The following DOCK8 variants were observed in gnomAD, a reference collection of about 807,000 sequenced individuals.
DOCK8 encodes the protein dedicator of cytokinesis protein 8.
DOCK8 carries 141 observed loss-of-function variants against 245.6 expected under a neutral mutation model. The ratio of observed to expected loss-of-function variants is 0.57; its 90% CI spans 0.50 to 0.66. The LOEUF is 0.66. Ranked by LOEUF, DOCK8 falls within the 30% of genes least tolerant of loss-of-function variation. The probability of loss-of-function intolerance (pLI) is 0.00; values close to 1 mark genes in which losing one functional copy is unlikely to be tolerated. For synonymous variants in DOCK8, 1,168 were observed against 970.2 expected (o/e 1.20, Z -3.79); for missense variants, 2,965 against 2,603.4 (o/e 1.14, Z -3.02).
At chr9:325,971 A>C (rs1586704335) in intron 8 of DOCK8, among the ~76,000 whole-genome samples, 1 of 152,226 alleles carries the variant, frequency 6.6e-6, no homozygotes, top group African/African-American at 2.4e-5. Flanking sequence ...GCCTGGTTGG[A>C]ATAGAGAAAG....
intron 36 of DOCK8, among the ~76,000 whole-genome samples, chr9:430,890 G>T (rs10758579): frequency 0.58 from 87,752 of 151,826 alleles, 27,571 homozygotes; most frequent in East Asian, 0.98. Flanking sequence ...TATTTATTGA[G>T]ACAGTGTCTT....
intron 1 of DOCK8, among the ~76,000 whole-genome samples, chr9:236,768 A>G (rs578244347): frequency 9.2e-5 from 14 of 152,314 alleles, no homozygotes; most frequent in African/African-American, 3.4e-4. Flanking sequence ...TTCTCCTCCA[A>G]GCAGTGACTC....
chr9:316,514 A>G (rs1288646239), intron 6 of DOCK8, among the ~76,000 whole-genome samples: 3 of 152,180 alleles, frequency 2.0e-5, no homozygotes, highest in Non-Finnish European at 2.9e-5. Flanking sequence ...GAACTTGTCA[A>G]TTCAACCCCA....
intron 22 of DOCK8, among the ~76,000 whole-genome samples, chr9:385,449 T>A (rs2053912604): frequency 6.6e-6 from 1 of 152,240 alleles, no homozygotes. Context: ...AATTAAAAGT[T>A]CACTTTAAAA....
chr9:418,110 A>G lies in DOCK8; in HGVS notation c.3743A>G (p.Glu1248Gly). ...TACCGCACCAGTGGCTCGGATGAAGAACAAGAAGGAGCCGGTGCCATTAAC... is the reference window on the plus strand; with the variant it reads ...TACCGCACCAGTGGCTCGGATGAAGGACAAGAAGGAGCCGGTGCCATTAAC... Reference protein sequence around the residue: ...RRYRTSGSDEEQEGAGAINQN... With the variant: ...RRYRTSGSDEGQEGAGAINQN... Residue 1248 changes from glutamate to glycine, a missense_variant, in exon 30 of 48, where the codon GAA becomes GGA. By Grantham distance (98) the Glu-to-Gly change is moderately conservative (BLOSUM62 -2). Around this residue, in one of 3 missense-constraint regions of DOCK8, gnomAD observed 2,825 missense variants for 2,453.5 expected, o/e 1.15. Transcript: ENST00000432829. 6.2e-7 allele frequency: 1 copy of G among 1,614,240 alleles called. No homozygotes were observed. The highest frequency in any genetic ancestry group is 8.5e-7 in the Non-Finnish European group (1 of 1,180,038).
At chr9:432,380 GTGTA>G in intron 37 of DOCK8, 56 bp downstream of exon 37, 4 of 1,530,596 alleles carry the variant, frequency 2.6e-6, no homozygotes, top group Non-Finnish European at 3.6e-6. Context: ...GCCAACTATT[GTGTA>G]TGTATGTATG....
intron 28 of DOCK8, among the ~76,000 whole-genome samples, chr9:414,040 G>C (rs1415389625): frequency 1.3e-5 from 2 of 151,950 alleles, no homozygotes; most frequent in Non-Finnish European, 2.9e-5. Flanking sequence ...TACTTGGGAG[G>C]CTGAGTCAGA....
chr9:410,134 T>C (rs1029664312), intron 28 of DOCK8, among the ~76,000 whole-genome samples: 2 of 152,264 alleles, frequency 1.3e-5, no homozygotes, highest in Admixed American at 1.3e-4. Context: ...TACTTTTTAT[T>C]ATAGTATAAT....
intron 7 of DOCK8, 45 bp downstream of exon 7, chr9:317,173 G>T: frequency 1.4e-6 from 2 of 1,410,154 alleles, no homozygotes; most frequent in Non-Finnish European, 2.0e-6. Context: ...GATTTATCTT[G>T]CCTTTTACAT....
intron 26 of DOCK8, among the ~76,000 whole-genome samples, chr9:401,765 A>T (rs1020676891): frequency 6.6e-6 from 1 of 152,194 alleles, no homozygotes; most frequent in Non-Finnish European, 1.5e-5. Flanking sequence ...AAAAAAAGAA[A>T]AAGACATGAC....
Position 326,373 on chromosome 9 carries a change from G to C in DOCK8, c.894+636G>C, listed in dbSNP as rs140440983. ...ATAATCACTGAGATTTGTAGGATAGGTTAACTGCTAAAACAAGCAGAACCC... is the reference window on the plus strand; with the variant it reads ...ATAATCACTGAGATTTGTAGGATAGCTTAACTGCTAAAACAAGCAGAACCC... On this transcript the variant is annotated intron_variant, in intron 8 of 47. Transcript: ENST00000432829. Among the ~76,000 whole-genome samples the C allele has an allele frequency of 3.2e-3, 491 of 152,224 alleles. 4 individuals carry two copies. Among genetic ancestry groups the C allele is most frequent in the African/African-American group, 0.011 (475 of 41,536 alleles).
chr9:238,300 G>C (rs1048122507), intron 1 of DOCK8, among the ~76,000 whole-genome samples: 1 of 152,156 alleles, frequency 6.6e-6, no homozygotes, highest in African/African-American at 2.4e-5. Context: ...GAAATAAAAA[G>C]CGTGAAAATG....
chr9:226,720 A>G (rs1174322950), intron 1 of DOCK8, among the ~76,000 whole-genome samples: 6 of 152,182 alleles, frequency 3.9e-5, no homozygotes, highest in African/African-American at 1.4e-4. Flanking sequence ...TTTAGGGTGA[A>G]TCAAGGGTTT....
At chr9:404,710 G>C (rs1365512185) in intron 26 of DOCK8, among the ~76,000 whole-genome samples, 1 of 152,154 alleles carries the variant, frequency 6.6e-6, no homozygotes, top group African/African-American at 2.4e-5. Flanking sequence ...ACAGCTACTA[G>C]GCTAGAATCA....
At chr9:431,753 C>G (rs933394173) in intron 36 of DOCK8, among the ~76,000 whole-genome samples, 1 of 152,148 alleles carries the variant, frequency 6.6e-6, no homozygotes, top group South Asian at 2.1e-4. Context: ...AAGTGATCCA[C>G]CCTCCTTGGC....
rs534744136 is a variant in DOCK8, at chr9:441,927, A to G, written c.5408A>G (p.Lys1803Arg). Residue 1803 changes from lysine (K) to arginine (R), a missense_variant, in exon 42 of 48, where the codon AAA (lysine) becomes AGA (arginine). Physicochemically the swap from Lys to Arg is conservative, Grantham distance 26. Coordinates refer to ENST00000432829, the MANE Select transcript of DOCK8 (RefSeq NM_203447.4). Reference protein sequence around the residue: ...TYFRVGFFGSKFGDLDEQEFV... With the variant: ...TYFRVGFFGSRFGDLDEQEFV... ...TTCCGAGTTGGTTTCTTTGGATCCA[A>G]ATTTGGGGATTTGGATGAACAGGAG... 3.7e-6 allele frequency: 6 copies of G among 1,614,144 alleles called. No homozygotes were observed. The highest frequency in any genetic ancestry group is 4.2e-6 in the Non-Finnish European group (5 of 1,180,028).
intron 4 of DOCK8, among the ~76,000 whole-genome samples, chr9:302,650 A>G (rs750171037): frequency 2.0e-5 from 3 of 152,242 alleles, no homozygotes; most frequent in South Asian, 2.1e-4. Context: ...AGATAATTCA[A>G]CATGCAAAAA....
At chr9:283,029 C>G (rs2048658636) in intron 2 of DOCK8, among the ~76,000 whole-genome samples, 1 of 152,162 alleles carries the variant, frequency 6.6e-6, no homozygotes, top group African/African-American at 2.4e-5. Context: ...TATTATTTGA[C>G]TCACTTCCAA....
intron 1 of DOCK8, among the ~76,000 whole-genome samples, chr9:253,228 C>T (rs1341510178): frequency 4.6e-5 from 7 of 152,152 alleles, no homozygotes; most frequent in Non-Finnish European, 1.0e-4. Context: ...GAATATCACA[C>T]TGTACTAAGG....
Sources: allele counts gnomAD v4.1 joint callset (sites outside exome capture counted in the v4.1 genomes callset), GRCh38; gene constraint gnomAD v4.1.1; regional missense constraint gnomAD v4.1.1; transcripts MANE v1.5; gene names NCBI Gene and HGNC (gene_info 2026-07-23, HGNC 2026-07-21).